The following FOLH1 variants were observed in gnomAD, a reference collection of about 807,000 sequenced individuals.
FOLH1 encodes the protein folate hydrolase 1.
A neutral mutation model predicts 93.9 loss-of-function variants in FOLH1; 54 were observed. That is an observed-to-expected ratio of 0.57 (90% confidence interval 0.46 to 0.72). The LOEUF is 0.72. Among genes scored for constraint, FOLH1 ranks in the 30% least tolerant of loss-of-function variants. FOLH1 has a pLI of 0.00. For missense variants in FOLH1, 571 were observed against 892.5 expected, an observed-to-expected ratio of 0.64 and a Z score of 4.59; for synonymous variants, 249 against 303.6, an observed-to-expected ratio of 0.82 and a Z score of 1.87.
chr11:49,194,874 A>C (rs183811949), intron 3 of FOLH1, among the ~76,000 whole-genome samples: 45 of 152,134 alleles, frequency 3.0e-4, no homozygotes, highest in African/African-American at 1.0e-3. Context: ...TATATATGAT[A>C]ATAGGTCTCC....
In FOLH1 at chr11:49,171,340, C is replaced by T. The variant is rs1044664593; in HGVS notation, c.1226-63G>A. 1.3e-5 allele frequency: 18 copies of T among 1,428,360 alleles called. No individual in the cohort carries two copies. In the African/African-American group the frequency reaches 2.0e-4, roughly 16 times the overall value. The allele number at this position is 1,428,360 out of a possible 1,614,324, so 88.5% of individuals were successfully genotyped here. ...ATTCATAATATACCCAGGACACTAC[C>T]AAGCCCAGATTGGAAAAAAAAAAAA... On this transcript the variant is annotated intron_variant, in intron 10 of 18. Coordinates refer to ENST00000256999, the MANE Select transcript of FOLH1 (RefSeq NM_004476.3).
rs1029027526 is a variant in FOLH1, at chr11:49,208,396, A to G, written c.14T>C (p.Leu5Pro). Residue 5 changes from leucine to proline, a missense_variant, in exon 1 of 19, where the codon CTT (leucine) becomes CCT (proline). By Grantham distance (98) the Leu-to-Pro change is moderately conservative. Around this residue, in one of 2 missense-constraint regions of FOLH1, gnomAD observed 71 missense variants for 69.6 expected, o/e 1.02. Coordinates refer to ENST00000256999, the MANE Select transcript of FOLH1 (RefSeq NM_004476.3). ...GGCCACAGCCGAGTCGGTTTCGTGA[A>G]GGAGATTCCACATCTCGGCGCGAGC... MWNL[L>P]HETDSAVATA... 8 of 1,588,650 alleles carry G rather than the reference A, an allele frequency of 5.0e-6. No homozygotes were observed. Among genetic ancestry groups the G allele is most frequent in the Non-Finnish European group, 6.0e-6 (7 of 1,171,902 alleles).
intron 6 of FOLH1, among the ~76,000 whole-genome samples, chr11:49,185,141 T>A (rs1311338752): frequency 7.2e-5 from 11 of 152,226 alleles, no homozygotes; most frequent in Non-Finnish European, 1.5e-4. Context: ...ATTGGCCATT[T>A]AAAAAGTTTA....
chr11:49,163,968 C>A (rs947367519), intron 13 of FOLH1, among the ~76,000 whole-genome samples: 34 of 152,078 alleles, frequency 2.2e-4, no homozygotes, highest in African/African-American at 7.0e-4. Context: ...CCCAGGTGGG[C>A]CATCGTCCTG....
At position 49,183,230 on chromosome 11, in the gene FOLH1, C is replaced by CTATAAGCA. The variant is rs1344312408; in HGVS notation, c.831_838dup (p.Arg280MetfsTer30). 1.9e-6 allele frequency: 3 copies of CTATAAGCA among 1,609,974 alleles called. No homozygotes were observed. The African/African-American group carries it at 4.0e-5, about 22-fold the overall frequency. Reference sequence around the variant, plus strand: ...ACCAACAGCCTCTGCAATTCCACGCCTATAAGCATATTCTGAAAAAAAAAA... The same window carrying CTATAAGCA: ...ACCAACAGCCTCTGCAATTCCACGCCTATAAGCATATAAGCATATTCTGAAAAAAAAAA... On this transcript the variant is annotated frameshift_variant, in exon 7 of 19. Coordinates refer to ENST00000256999, the MANE Select transcript of FOLH1 (RefSeq NM_004476.3). LOFTEE classifies it high-confidence loss of function.
At chr11:49,172,790 T>C (rs1859497888) in intron 10 of FOLH1, among the ~76,000 whole-genome samples, 2 of 152,188 alleles carry the variant, frequency 1.3e-5, no homozygotes, top group East Asian at 1.9e-4. Flanking sequence ...TTGGCTTTCA[T>C]ATGAAGATTC....
rs367766463 is a variant in FOLH1, at chr11:49,200,425, G to T, written c.241C>A (p.Pro81Thr). Residue 81 changes from proline (P) to threonine (T), a missense_variant, in exon 3 of 19, where the codon CCA becomes ACA. Pro to Thr is a conservative substitution (Grantham distance 38). Transcript: ENST00000256999. ...TTTTGTTCTGTTCCTGCTAAATGTG[G>T]TATCTGTGTAAAATTACTGGTGAAC... ...KKFLYNFTQIPHLAGTEQNFQ... is the reference protein window; with the variant it reads ...KKFLYNFTQITHLAGTEQNFQ... 3 of 1,612,706 alleles carry T rather than the reference G, an allele frequency of 1.9e-6. No individual in the cohort carries two copies. In the African/African-American group the frequency reaches 4.0e-5, roughly 22 times the overall value.
At chr11:49,148,868 C>T in intron 17 of FOLH1, 137 bp from the exon 18 acceptor site, 5 of 652,618 alleles carry the variant, frequency 7.7e-6, no homozygotes. Context: ...AAAATTTGTG[C>T]ATACTCAAGT....
intron 4 of FOLH1, among the ~76,000 whole-genome samples, chr11:49,188,978 A>G (rs1214064921): frequency 6.6e-6 from 1 of 152,230 alleles, no homozygotes; most frequent in Non-Finnish European, 1.5e-5. Context: ...TTACATAGCT[A>G]TTAGAACCAT....
intron 4 of FOLH1, among the ~76,000 whole-genome samples, chr11:49,190,097 T>C (rs1052824697): frequency 1.3e-5 from 2 of 152,358 alleles, no homozygotes; most frequent in African/African-American, 2.4e-5. Context: ...CATTAACCAA[T>C]GTGATTTCAG....
chr11:49,174,620 C>G (rs1859773013), intron 9 of FOLH1, among the ~76,000 whole-genome samples: 1 of 152,152 alleles, frequency 6.6e-6, no homozygotes, highest in Admixed American at 6.5e-5. Flanking sequence ...TACCCTGCTT[C>G]CCTTGATCCT....
chr11:49,171,167 T>G (rs748031400), intron 11 of FOLH1, 28 bp downstream of exon 11: 13 of 1,552,634 alleles, frequency 8.4e-6, no homozygotes, highest in Non-Finnish European at 8.7e-7. Context: ...TTTATAAAAA[T>G]TTATATTATA....
At chr11:49,200,597 G>T (rs1863160706) in intron 2 of FOLH1, among the ~76,000 whole-genome samples, 156 bp from the exon 3 acceptor site, 2 of 152,252 alleles carry the variant, frequency 1.3e-5, no homozygotes, top group African/African-American at 2.4e-5. Context: ...GATTTTCAAA[G>T]TCTGCTTTGA....
At chr11:49,186,493 T>C (rs1197413494) in intron 5 of FOLH1, 151 bp downstream of exon 5, 4 of 944,612 alleles carry the variant, frequency 4.2e-6, no homozygotes, top group African/African-American at 1.7e-5. Flanking sequence ...TATAACCTAG[T>C]AAATGTGTCC....
chr11:49,173,608 T>A, intron 9 of FOLH1, 132 bp from the exon 10 acceptor site: 3 of 950,396 alleles, frequency 3.2e-6, no homozygotes, highest in Non-Finnish European at 4.3e-6. Flanking sequence ...TCCCCAAGAT[T>A]TGTGAAAATA....
At chr11:49,179,960 T>G (rs1187181595) in intron 7 of FOLH1, among the ~76,000 whole-genome samples, 1 of 152,178 alleles carries the variant, frequency 6.6e-6, no homozygotes, top group Non-Finnish European at 1.5e-5. Context: ...TATAAATGTT[T>G]CTTGAGTGAG....
intron 5 of FOLH1, 108 bp from the exon 6 acceptor site, chr11:49,185,963 A>T: frequency 7.5e-7 from 1 of 1,332,050 alleles, no homozygotes; most frequent in Non-Finnish European, 9.9e-7. Flanking sequence ...TTTATCTTCA[A>T]CCTTTTCTCA....
chr11:49,173,562 A>G, intron 9 of FOLH1, 86 bp from the exon 10 acceptor site: 1 of 1,002,800 alleles, frequency 1.0e-6, no homozygotes, highest in Non-Finnish European at 1.3e-6. Context: ...CTAAATACAA[A>G]GCACTCACGC....
chr11:49,172,090 TG>T (rs1859388543), intron 10 of FOLH1, among the ~76,000 whole-genome samples: 1 of 152,170 alleles, frequency 6.6e-6, no homozygotes, highest in East Asian at 1.9e-4. Context: ...TGCTTAAGAA[TG>T]TGTATACTAT....
Sources: allele counts gnomAD v4.1 joint callset (sites outside exome capture counted in the v4.1 genomes callset), GRCh38; gene constraint gnomAD v4.1.1; regional missense constraint gnomAD v4.1.1; transcripts MANE v1.5; gene names NCBI Gene and HGNC (gene_info 2026-07-23, HGNC 2026-07-21).